Variants in CORO7 observed in about 807,000 individuals in gnomAD.
CORO7 encodes coronin 7, also known as coronin-7.
CORO7 carries 107 observed loss-of-function variants against 126.6 expected under a neutral mutation model. That is an observed-to-expected ratio of 0.85 (90% CI 0.72 to 0.99). The LOEUF (loss-of-function observed/expected upper bound fraction) is 0.99. Among genes scored for constraint, CORO7 ranks in the 50% least tolerant of loss-of-function variants. The pLI is 0.00. For synonymous variants in CORO7, 603 were observed against 536.8 expected, an observed-to-expected ratio of 1.12 and a Z score of -1.70; for missense variants, 1,314 against 1,255.8, an observed-to-expected ratio of 1.05 and a Z score of -0.70.
Position 4,355,076 on chromosome 16 carries a change from T to G in CORO7, c.*82A>C. ...GTGACATGTGCCGGGGCCAGAGAGG[T>G]ATCTTCCAGCTTGAGGATGAGCCGT... On this transcript the variant is annotated 3_prime_UTR_variant, in exon 28 of 28. Coordinates refer to ENST00000251166, the MANE Select transcript of CORO7 (RefSeq NM_024535.5). 1 of 1,394,606 alleles carries G rather than the reference T, an allele frequency of 7.2e-7. No homozygotes were observed. The highest frequency in any genetic ancestry group is 2.9e-5 in the Admixed American group (1 of 34,840). 86.4% of individuals were successfully genotyped at this position (1,394,606 alleles called of 1,614,324 possible). A position where few individuals can be genotyped will look rare whatever the true frequency, so the allele number is the denominator to read the frequency against.
intron 7 of CORO7, among the ~76,000 whole-genome samples, chr16:4,390,790 T>C (rs1399582608): frequency 6.6e-6 from 1 of 152,212 alleles, no homozygotes; most frequent in Non-Finnish European, 1.5e-5. Flanking sequence ...CTCCTCCACC[T>C]GCACAAGATG....
rs1385266122 is a variant in CORO7 at position 4,412,355 on chromosome 16, C to G, written c.232+1G>C. 1.2e-6 allele frequency: 2 copies of G among 1,614,154 alleles called. No homozygotes were observed. The highest frequency in any genetic ancestry group is 3.3e-5 in the Admixed American group (2 of 60,020). ...CACCCACTAGTCAGACACCCACTCACCTGAATGGCAGCCCAGGTGGGCCAC... is the reference window on the plus strand; with the variant it reads ...CACCCACTAGTCAGACACCCACTCAGCTGAATGGCAGCCCAGGTGGGCCAC... On this transcript the variant is annotated splice_donor_variant, in intron 3 of 27. Transcript: ENST00000251166. LOFTEE classifies it high-confidence loss of function.
In CORO7 at chr16:4,358,356, C is replaced by T. The variant is rs1374163725; in HGVS notation, c.2457+11G>A. 2 of 1,611,918 alleles carry T rather than the reference C, an allele frequency of 1.2e-6. No individual in the cohort carries two copies. Among genetic ancestry groups the T allele is most frequent in the East Asian group, 2.2e-5 (1 of 44,862 alleles). ...GCGGTGGGCATGGGAGTCCCAGGTC[C>T]CCACCCTCACCCGGACTCGGGGCAG... is the stretch of plus-strand genomic sequence containing the variant. On this transcript the variant is annotated intron_variant, in intron 24 of 27. Coordinates refer to ENST00000251166, the MANE Select transcript of CORO7 (RefSeq NM_024535.5).
Position 4,403,147 on chromosome 16 carries a change from C to T in CORO7, c.564+2344G>A, listed in dbSNP as rs538611645. On this transcript the variant is annotated intron_variant, in intron 6 of 27. Transcript: ENST00000251166. ...AGCCAGGTGCGGCTGCAAAGAGGGG[C>T]TCACGCTCGCTCCTGGTGTGGGGTG... 9.9e-5 allele frequency among the ~76,000 whole-genome samples: 15 copies of T among 152,220 alleles called. 1 individual carries two copies. In the South Asian group the frequency reaches 2.9e-3, roughly 29 times the overall value.
chr16:4,364,810 CTG>C lies in CORO7; in HGVS notation c.1007_1008del (p.Thr336SerfsTer35). 1 of 1,611,888 alleles carries C rather than the reference CTG, an allele frequency of 6.2e-7. No individual in the cohort carries two copies. The highest frequency in any genetic ancestry group is 1.1e-5 in the South Asian group (1 of 90,974). On this transcript the variant is annotated frameshift_variant, in exon 12 of 28. Transcript: ENST00000251166. LOFTEE classifies it high-confidence loss of function. ...EVLRVLQLSD[T>X]AIVPIGYHVP... ...ACATGGTAGCCGATGGGCACGATGG[CTG>C]TGTCGCTCAGCTGTAGGACGCGGAG...
At chr16:4,400,999 C>T (rs56024140) in intron 6 of CORO7, among the ~76,000 whole-genome samples, 316 of 152,142 alleles carry the variant, frequency 2.1e-3, no homozygotes, top group African/African-American at 7.3e-3. Context: ...ACTAAAACAA[C>T]CCAAAAAGAA....
chr16:4,389,114 C>T (rs549286745), intron 7 of CORO7, among the ~76,000 whole-genome samples: 27 of 152,324 alleles, frequency 1.8e-4, no homozygotes, highest in African/African-American at 6.3e-4. Flanking sequence ...GGGCTTGTGG[C>T]AAAGCACCGT....
In CORO7 at chr16:4,407,555, C is replaced by T. The variant is rs766048891; in HGVS notation, c.433G>A (p.Ala145Thr). Residue 145 changes from alanine (A) to threonine (T), a missense_variant, in exon 5 of 28, where the codon GCA becomes ACA. Physicochemically the swap from Ala to Thr is moderately conservative, Grantham distance 58. Transcript: ENST00000251166. The stretch of plus-strand genomic sequence containing the variant: ...CAGACCTTCACAGTGGTGCCTGCTG[C>T]GCTCACCAGAATGCCGTCAGAGGTG... The part of the protein sequence containing the change: ...HPTSDGILVS[A>T]AGTTVKVWDA... 8 of 1,582,962 alleles carry T rather than the reference C, an allele frequency of 5.1e-6. No homozygotes were observed. Among genetic ancestry groups the T allele is most frequent in the Admixed American group, 1.8e-5 (1 of 55,150 alleles).
chr16:4,364,826 T>C lies in CORO7; in HGVS notation c.993A>G (p.Leu331=), dbSNP rs1263438090. ...AVMSCEVLRV[L]QLSDTAIVPI... Reference sequence around the variant, plus strand: ...GCACGATGGCTGTGTCGCTCAGCTGTAGGACGCGGAGTACCTCGCAGCTCA... The same window carrying C: ...GCACGATGGCTGTGTCGCTCAGCTGCAGGACGCGGAGTACCTCGCAGCTCA... Residue 331 remains leucine, a synonymous_variant, in exon 12 of 28, where the codon CTA becomes CTG. Transcript: ENST00000251166. 1 of 1,612,160 alleles carries C rather than the reference T, an allele frequency of 6.2e-7. No individual in the cohort carries two copies. The highest frequency in any genetic ancestry group is 1.1e-5 in the South Asian group (1 of 91,004).
chr16:4,407,292 A>T (rs556778692), intron 5 of CORO7, among the ~76,000 whole-genome samples: 1 of 151,392 alleles, frequency 6.6e-6, no homozygotes, highest in Non-Finnish European at 1.5e-5. Flanking sequence ...AAAAAAAAAC[A>T]GGTAAGAGGA....
At chr16:4,407,941 G>C (rs986797287) in intron 4 of CORO7, among the ~76,000 whole-genome samples, 1 of 152,176 alleles carries the variant, frequency 6.6e-6, no homozygotes, top group Non-Finnish European at 1.5e-5. Context: ...TGGCTCTACT[G>C]TTTCTGGCAG....
In CORO7 at chr16:4,359,541, G is replaced by T; in HGVS notation, c.2189C>A (p.Ala730Asp). 1 of 1,613,334 alleles carries T rather than the reference G, an allele frequency of 6.2e-7. No homozygotes were observed. Among genetic ancestry groups the T allele is most frequent in the Non-Finnish European group, 8.5e-7 (1 of 1,179,904 alleles). ...GTAGCTGGGCAGCAGGGTTGAGGGA[G>T]CCACGTCCAGGCCCAACACTGCCAA... The part of the protein sequence containing the change: ...GPLAVLGLDV[A>D]PSTLLPSYDP... Residue 730 changes from alanine (A) to aspartate (D), a missense_variant, in exon 22 of 28, where the codon GCT becomes GAT. By Grantham distance (126) the Ala-to-Asp change is moderately radical. Transcript: ENST00000251166.
At chr16:4,366,165 G>A (rs537299987) in intron 9 of CORO7, among the ~76,000 whole-genome samples, 2 of 152,276 alleles carry the variant, frequency 1.3e-5, no homozygotes, top group Non-Finnish European at 2.9e-5. Flanking sequence ...GGGCTCCTCC[G>A]GCCGCTGGGC....
At chr16:4,415,828 T>C (rs1259849706) in intron 1 of CORO7, 1 of 985,084 alleles carries the variant, frequency 1.0e-6, no homozygotes, top group Admixed American at 6.2e-5. Flanking sequence ...GGCTCAGCAA[T>C]TCTTTGGGGC....
In CORO7 at chr16:4,410,419, C is replaced by A. The variant is rs183941033; in HGVS notation, c.232+1937G>T. ...CAGCCTGGATGACAGAGACAGAGACCCTGTCTCTAAAAAGACAAACCCAAA... is the reference window on the plus strand; with the variant it reads ...CAGCCTGGATGACAGAGACAGAGACACTGTCTCTAAAAAGACAAACCCAAA... On this transcript the variant is annotated intron_variant, in intron 3 of 27. Transcript: ENST00000251166. 2.0e-5 allele frequency among the ~76,000 whole-genome samples: 3 copies of A among 152,222 alleles called. No homozygotes were observed. In the East Asian group the frequency reaches 5.8e-4, roughly 29 times the overall value.
At chr16:4,373,384 A>T (rs1340453215) in intron 9 of CORO7, among the ~76,000 whole-genome samples, 6 of 152,038 alleles carry the variant, frequency 3.9e-5, no homozygotes, top group African/African-American at 1.5e-4. Flanking sequence ...TGCACGTTGG[A>T]ACAGCTGTCC....
intron 7 of CORO7, among the ~76,000 whole-genome samples, chr16:4,393,100 G>C (rs953491680): frequency 5.3e-5 from 8 of 152,228 alleles, no homozygotes; most frequent in African/African-American, 1.7e-4. Context: ...CGGAGGAGGG[G>C]AGAATAGGAA....
intron 26 of CORO7, chr16:4,356,420 A>G (rs1387991527): frequency 6.6e-6 from 1 of 151,616 alleles, no homozygotes; most frequent in Non-Finnish European, 1.5e-5. Flanking sequence ...TTTTATTTTT[A>G]TTTTTATTTT....
chr16:4,409,664 T>A (rs74003301), intron 3 of CORO7, among the ~76,000 whole-genome samples: 254 of 152,348 alleles, frequency 1.7e-3, no homozygotes, highest in African/African-American at 5.8e-3. Flanking sequence ...CTGCTCAGCA[T>A]GACATGCTGC....
Sources: gnomAD v4.1 joint callset for allele counts (sites outside exome capture counted in the v4.1 genomes callset) on GRCh38, gnomAD v4.1.1 for gene constraint, MANE v1.5 for transcripts, NCBI Gene and HGNC (gene_info 2026-07-23, HGNC 2026-07-21) for gene names.